Variants in OR2L13 observed in about 807,000 individuals in gnomAD.
OR2L13 encodes olfactory receptor family 2 subfamily L member 13, also known as olfactory receptor 2L13.
OR2L13 carries 14 observed loss-of-function variants against 15.3 expected under a neutral mutation model. The observed-to-expected ratio is 0.91, with a 90% CI of 0.60 to 1.43. OR2L13 has a LOEUF of 1.43. Among genes scored for constraint, OR2L13 ranks in the 40% most tolerant of loss-of-function variants. The pLI is 0.00. For missense variants in OR2L13, 367 were observed against 387.9 expected, an observed-to-expected ratio of 0.95 and a Z score of 0.45; for synonymous variants, 152 against 142.9, an observed-to-expected ratio of 1.06 and a Z score of -0.45.
the OR2L13 span, chr1:247,991,081 G>T: frequency 6.3e-7 from 1 of 1,589,838 alleles, no homozygotes; most frequent in Non-Finnish European, 8.6e-7. Context: ...AGAGGACAAG[G>T]TTCTGGCTGT....
rs1019261574 is a variant in OR2L13 at position 248,098,041 on chromosome 1, A to G, written c.-143-610A>G. On this transcript the variant is annotated intron_variant, in intron 1 of 2. Transcript: ENST00000641714. ...GTTCTTACTGATAGAATGAAGCCAC[A>G]TGAGTTACAAAATCAATCTTTATCA... Among the ~76,000 whole-genome samples the G allele has an allele frequency of 3.3e-5, 5 of 152,350 alleles. No homozygotes were observed. In the East Asian group the frequency reaches 9.6e-4, roughly 29 times the overall value.
chr1:248,092,667 G>A (rs1161115245), upstream of OR2L13, among the ~76,000 whole-genome samples: 5 of 152,112 alleles, frequency 3.3e-5, no homozygotes, highest in African/African-American at 4.8e-5. Context: ...AAACTTTATT[G>A]TCACTAAGAA....
the OR2L13 span, among the ~76,000 whole-genome samples, chr1:247,962,365 A>T: frequency 6.6e-6 from 1 of 152,230 alleles, no homozygotes; most frequent in African/African-American, 2.4e-5. Context: ...AGTATCTACC[A>T]TTCACAGAAG....
chr1:247,992,184 TA>T, the OR2L13 span, among the ~76,000 whole-genome samples: 1 of 143,286 alleles, frequency 7.0e-6, no homozygotes, highest in Non-Finnish European at 1.5e-5. Context: ...ACTAAATAAG[TA>T]GTAAATATGT....
the OR2L13 span, chr1:248,003,503 A>G: frequency 1.3e-5 from 21 of 1,611,966 alleles, no homozygotes; most frequent in Non-Finnish European, 1.6e-5. Context: ...TTGCATTGCT[A>G]TTTGCTTTCC....
At chr1:247,949,752 G>T in the OR2L13 span, 64 of 1,612,878 alleles carry the variant, frequency 4.0e-5, no homozygotes, top group Non-Finnish European at 5.1e-5. Flanking sequence ...GGTGATGGGG[G>T]CCCTGACACG....
the OR2L13 span, among the ~76,000 whole-genome samples, chr1:248,028,179 A>G: frequency 8.1e-5 from 12 of 147,458 alleles, no homozygotes; most frequent in East Asian, 4.2e-4. Context: ...ATCATGTCCA[A>G]GTCTCTCCAG....
chr1:248,031,495 G>A, the OR2L13 span, among the ~76,000 whole-genome samples: 6 of 152,210 alleles, frequency 3.9e-5, no homozygotes, highest in Middle Eastern at 3.2e-3. Context: ...GCAGTAGGCA[G>A]GGTCTTTTAA....
chr1:248,075,844 TC>T, the OR2L13 span, among the ~76,000 whole-genome samples: 2 of 151,090 alleles, frequency 1.3e-5, no homozygotes, highest in South Asian at 4.2e-4. Flanking sequence ...CCATGCAGAA[TC>T]TCTTTAATTA....
chr1:247,974,567 T>G, the OR2L13 span, among the ~76,000 whole-genome samples: 3 of 152,192 alleles, frequency 2.0e-5, no homozygotes, highest in East Asian at 5.8e-4. Flanking sequence ...AAACTGAATG[T>G]TATCATAAGT....
the OR2L13 span, chr1:248,062,486 T>G: frequency 1.3e-5 from 2 of 152,134 alleles, no homozygotes; most frequent in African/African-American, 4.8e-5. Context: ...GTTTTGCTTG[T>G]TCTCACTCCT....
chr1:247,960,723 C>T, the OR2L13 span, among the ~76,000 whole-genome samples: 8 of 152,312 alleles, frequency 5.3e-5, no homozygotes, highest in African/African-American at 1.4e-4. Flanking sequence ...GCTCCGTTGG[C>T]GTAGGACCCT....
the OR2L13 span, among the ~76,000 whole-genome samples, chr1:247,977,766 A>T: frequency 6.6e-6 from 1 of 152,130 alleles, no homozygotes; most frequent in Admixed American, 6.5e-5. Flanking sequence ...CAAGTTTTCT[A>T]TTTAAAATGT....
chr1:248,092,400 C>T (rs1664618592), upstream of OR2L13, among the ~76,000 whole-genome samples: 1 of 152,060 alleles, frequency 6.6e-6, no homozygotes, highest in Admixed American at 6.6e-5. Context: ...AAGAGAAATA[C>T]ATAAATCTGC....
the OR2L13 span, among the ~76,000 whole-genome samples, chr1:247,967,923 CCTTCTTTCTTCTTT>C: frequency 4.6e-5 from 7 of 151,120 alleles, no homozygotes; most frequent in Admixed American, 6.6e-5. Context: ...TCTTCTTCTT[CCTTCTTTCTTCTTT>C]CTTTCTTCTT....
At chr1:247,950,145 A>T in the OR2L13 span, among the ~76,000 whole-genome samples, 120,629 of 151,712 alleles carry the variant, frequency 0.8, 52,306 homozygotes, top group South Asian at 0.95. Flanking sequence ...AGTAATTAAA[A>T]TTTTTTTTTG....
the OR2L13 span, among the ~76,000 whole-genome samples, chr1:247,943,108 G>A: frequency 6.6e-6 from 1 of 152,124 alleles, no homozygotes; most frequent in Non-Finnish European, 1.5e-5. Context: ...TTCTGTAGAT[G>A]AGCACTTTCT....
At chr1:248,038,512 A>G in the OR2L13 span, 7 of 1,613,974 alleles carry the variant, frequency 4.3e-6, no homozygotes, top group Admixed American at 5.0e-5. Flanking sequence ...AAGATGGTTT[A>G]TGATTTTCTG....
the OR2L13 span, chr1:247,949,809 C>T: frequency 6.3e-7 from 1 of 1,592,968 alleles, no homozygotes. Context: ...ACACTTTCTG[C>T]CTAAGGTCTC....
Sources: allele counts gnomAD v4.1 joint callset (sites outside exome capture counted in the v4.1 genomes callset), GRCh38; gene constraint gnomAD v4.1.1; transcripts MANE v1.5; gene names NCBI Gene and HGNC (gene_info 2026-07-23, HGNC 2026-07-21).